Variants in ATG4D observed in about 807,000 individuals in gnomAD.
ATG4D encodes autophagy related 4D cysteine peptidase.
ATG4D carries 51 observed loss-of-function variants against 55.2 expected under a neutral mutation model. The observed-to-expected ratio is 0.92, with a 90% CI of 0.74 to 1.17. ATG4D has a LOEUF of 1.17. ATG4D is among the 50% of genes most tolerant of loss of function. The pLI is 0.00. For synonymous variants in ATG4D, 268 were observed against 266.2 expected (o/e 1.01, Z -0.07); for missense variants, 635 against 649.6 (o/e 0.98, Z 0.25).
intron 1 of ATG4D, 98 bp from the exon 2 acceptor site, chr19:10,544,685 A>T: frequency 1.3e-6 from 2 of 1,574,680 alleles, no homozygotes; most frequent in South Asian, 2.4e-5. Flanking sequence ...GGAGATAGGA[A>T]CTAGGATCGT....
At position 10,548,913 on chromosome 19, in the gene ATG4D, C is replaced by T. The variant is rs750481099; in HGVS notation, c.845C>T (p.Ala282Val). Residue 282 changes from alanine to valine, a missense_variant, in exon 6 of 10, where the codon GCG (alanine) becomes GTG (valine). By Grantham distance (64) the Ala-to-Val change is moderately conservative. Coordinates refer to ENST00000309469, the MANE Select transcript of ATG4D (RefSeq NM_032885.6). ...YVSQDCTVYK[A>V]DVARLVARPD... ...TGTCCCGTCCCTCCAGTGTACAAGG[C>T]GGATGTGGCACGCCTGGTGGCCAGG... 1.2e-5 allele frequency: 20 copies of T among 1,613,972 alleles called. No homozygotes were observed. The highest frequency in any genetic ancestry group is 1.7e-5 in the Admixed American group (1 of 59,970).
At chr19:10,552,012 C>G in intron 7 of ATG4D, 33 bp from the exon 8 acceptor site, 5 of 1,607,034 alleles carry the variant, frequency 3.1e-6, no homozygotes, top group Non-Finnish European at 4.3e-6. Flanking sequence ...CCACCCCCCA[C>G]CGCACCCCCA....
chr19:10,548,970 T>C lies in ATG4D; in HGVS notation c.902T>C (p.Val301Ala), dbSNP rs777713528. 1 of 1,614,074 alleles carries C rather than the reference T, an allele frequency of 6.2e-7. No homozygotes were observed. The highest frequency in any genetic ancestry group is 2.2e-5 in the East Asian group (1 of 44,864). The change falls in exon 6 of 10, where the codon GTC (valine) becomes GCC (alanine). Residue 301 changes from valine to alanine, a missense_variant. Val to Ala is a moderately conservative substitution (Grantham distance 64, BLOSUM62 0). Coordinates refer to ENST00000309469, the MANE Select transcript of ATG4D (RefSeq NM_032885.6). Reference sequence around the variant, plus strand: ...CCCACAGCCGAGTGGAAGTCTGTGGTCATCCTGGTGCCCGTGCGACTGGGT... The same window carrying C: ...CCCACAGCCGAGTGGAAGTCTGTGGCCATCCTGGTGCCCGTGCGACTGGGT... ...PDPTAEWKSV[V>A]ILVPVRLGGE...
In ATG4D at chr19:10,552,401, C is replaced by T. The variant is rs1254638252; in HGVS notation, c.1242+77C>T. ...GGGGGTGAAAGAGGAACAGAGGCCT[C>T]GAGTCCAGCAGAGCTGGGGTGCTGC... On this transcript the variant is annotated intron_variant, in intron 9 of 9. Transcript: ENST00000309469. The T allele has an allele frequency of 1.5e-5, 22 of 1,513,150 alleles. No homozygotes were observed. The East Asian group carries it at 2.5e-4, about 18-fold the overall frequency. 93.7% of individuals were successfully genotyped at this position (1,513,150 alleles called of 1,614,324 possible). A position where few individuals can be genotyped will look rare whatever the true frequency, so the allele number is the denominator to read the frequency against.
At chr19:10,548,050 A>G (rs1916103912) in intron 5 of ATG4D, among the ~76,000 whole-genome samples, 1 of 36,178 alleles carries the variant, frequency 2.8e-5, no homozygotes, top group Non-Finnish European at 5.2e-5. Flanking sequence ...TTTTTTTTTG[A>G]GACAGAGTCT....
chr19:10,546,807 G>C (rs1467391420), intron 3 of ATG4D, 32 bp from the exon 4 acceptor site: 4 of 1,540,230 alleles, frequency 2.6e-6, no homozygotes, highest in Non-Finnish European at 2.6e-6. Context: ...CCACACACTA[G>C]CACTGTTTGA....
Position 10,544,116 on chromosome 19 carries a change from C to T in ATG4D, c.26C>T (p.Ala9Val). The T allele has an allele frequency of 8.0e-7, 1 of 1,242,492 alleles. No individual in the cohort carries two copies. Among genetic ancestry groups the T allele is most frequent in the Non-Finnish European group, 1.0e-6 (1 of 986,134 alleles). 77.0% of individuals were successfully genotyped at this position (1,242,492 alleles called of 1,614,324 possible). The change falls in exon 1 of 10, where the codon GCG becomes GTG. Residue 9 changes from alanine to valine, a missense_variant. Ala to Val is a moderately conservative substitution (Grantham distance 64). Coordinates refer to ENST00000309469, the MANE Select transcript of ATG4D (RefSeq NM_032885.6). ...ATGAACTCAGTGTCGCCGGCCGCCG[C>T]GCAGTACCGGAGCAGCAGCCCGGAG... MNSVSPAA[A>V]QYRSSSPEDA... is the part of the protein sequence containing the mutation.
intron 6 of ATG4D, among the ~76,000 whole-genome samples, chr19:10,550,617 C>G (rs1024794841): frequency 6.6e-6 from 1 of 152,076 alleles, no homozygotes; most frequent in African/African-American, 2.4e-5. Context: ...CCACAGGGGC[C>G]TCCTCACCTA....
rs769671792 is a variant in ATG4D, at chr19:10,544,852, G to T, written c.305G>T (p.Arg102Leu). ...ATCCACCTCTGTGGCCGCCGCTACC[G>T]TTTCGAGGGCGAGGGTGAGCTGGTG... Reference protein sequence around the residue: ...SSIHLCGRRYRFEGEGDIQRF... With the variant: ...SSIHLCGRRYLFEGEGDIQRF... Residue 102 changes from arginine (R) to leucine (L), a missense_variant, in exon 2 of 10, where the codon CGT (arginine) becomes CTT (leucine). Physicochemically the swap from Arg to Leu is moderately radical, Grantham distance 102. Coordinates refer to ENST00000309469, the MANE Select transcript of ATG4D (RefSeq NM_032885.6). 9.9e-6 allele frequency: 16 copies of T among 1,611,574 alleles called. No individual in the cohort carries two copies. The highest frequency in any genetic ancestry group is 1.7e-4 in the Middle Eastern group (1 of 6,028).
chr19:10,544,462 C>A (rs1006705282), intron 1 of ATG4D, 137 bp downstream of exon 1: 2 of 928,142 alleles, frequency 2.2e-6, no homozygotes, highest in Non-Finnish European at 1.5e-6. Flanking sequence ...CCAGGGTGGA[C>A]CTGTGGCAGG....
rs1916135190 is a variant in ATG4D at position 10,548,976 on chromosome 19, T to G, written c.908T>G (p.Leu303Arg). 1.9e-6 allele frequency: 3 copies of G among 1,614,102 alleles called. No individual in the cohort carries two copies. Among genetic ancestry groups the G allele is most frequent in the Non-Finnish European group, 2.5e-6 (3 of 1,180,014 alleles). ...GCCGAGTGGAAGTCTGTGGTCATCCTGGTGCCCGTGCGACTGGGTGGCGAG... is the reference window on the plus strand; with the variant it reads ...GCCGAGTGGAAGTCTGTGGTCATCCGGGTGCCCGTGCGACTGGGTGGCGAG... ...PTAEWKSVVI[L>R]VPVRLGGETL... Residue 303 changes from leucine (L) to arginine (R), a missense_variant, in exon 6 of 10, where the codon CTG (leucine) becomes CGG (arginine). Coordinates refer to ENST00000309469, the MANE Select transcript of ATG4D (RefSeq NM_032885.6).
intron 9 of ATG4D, 48 bp from the exon 10 acceptor site, chr19:10,552,837 A>G (rs771262889): frequency 2.6e-6 from 4 of 1,554,472 alleles, no homozygotes; most frequent in Non-Finnish European, 3.5e-6. Context: ...GCTAAGGAAT[A>G]TGGCTTGGCA....
rs985166889 is a variant in ATG4D at position 10,544,069 on chromosome 19, G to A, written c.-22G>A. On this transcript the variant is annotated 5_prime_UTR_variant, in exon 1 of 10. Coordinates refer to ENST00000309469, the MANE Select transcript of ATG4D (RefSeq NM_032885.6). ...GCCGCAGCCCCCCACCTGGGCCCTC[G>A]GTCCGCCCTCCCGGCGCGTCCATGA... 1.6e-6 allele frequency: 2 copies of A among 1,232,160 alleles called. No homozygotes were observed. The highest frequency in any genetic ancestry group is 1.6e-5 in the African/African-American group (1 of 64,024). The allele number at this position is 1,232,160 out of a possible 1,614,324, so 76.3% of individuals were successfully genotyped here.
chr19:10,552,813 C>T, intron 9 of ATG4D, 72 bp from the exon 10 acceptor site: 3 of 1,481,508 alleles, frequency 2.0e-6, no homozygotes, highest in Non-Finnish European at 2.7e-6. Flanking sequence ...GAAGCACCTA[C>T]TAAATAAACC....
Position 10,543,961 on chromosome 19 carries a change from G to C in ATG4D, c.-130G>C. On this transcript the variant is annotated 5_prime_UTR_variant, in exon 1 of 10. Transcript: ENST00000309469. ...TAGCAGCGGCGGCGGCTGTTGCCTG[G>C]CCCGGTACCCTGGGGACGGGGGCCG... 1 of 534,296 alleles carries C rather than the reference G, an allele frequency of 1.9e-6. No homozygotes were observed. The highest frequency in any genetic ancestry group is 2.8e-6 in the Non-Finnish European group (1 of 355,846). The allele number at this position is 534,296 out of a possible 1,614,324, so 33.1% of individuals were successfully genotyped here.
At chr19:10,552,774 G>T in intron 9 of ATG4D, 111 bp from the exon 10 acceptor site, 1 of 1,173,400 alleles carries the variant, frequency 8.5e-7, no homozygotes, top group Non-Finnish European at 1.2e-6. Context: ...GTGCTGATTG[G>T]CTGCTCTCTC....
intron 9 of ATG4D, 59 bp from the exon 10 acceptor site, chr19:10,552,826 G>A (rs1916324454): frequency 7.2e-6 from 11 of 1,528,066 alleles, no homozygotes; most frequent in African/African-American, 1.4e-5. Context: ...AATAAACCTG[G>A]GCTAAGGAAT....
intron 6 of ATG4D, among the ~76,000 whole-genome samples, chr19:10,550,824 G>T (rs566425223): frequency 2.0e-4 from 30 of 147,340 alleles, no homozygotes; most frequent in African/African-American, 7.0e-4. Flanking sequence ...CCATTCTCCT[G>T]CCTCAGCCTC....
At chr19:10,544,901 C>G in intron 2 of ATG4D, 35 bp downstream of exon 2, 1 of 1,591,048 alleles carries the variant, frequency 6.3e-7, no homozygotes. Flanking sequence ...CTGGGGGAGG[C>G]CTCTCCACGC....
Sources: gnomAD v4.1 joint callset for allele counts (sites outside exome capture counted in the v4.1 genomes callset) on GRCh38, gnomAD v4.1.1 for gene constraint, MANE v1.5 for transcripts, NCBI Gene and HGNC (gene_info 2026-07-23, HGNC 2026-07-21) for gene names.